Variants in OCRL observed in about 807,000 individuals in gnomAD.
OCRL encodes the protein OCRL inositol polyphosphate-5-phosphatase.
OCRL carries 8 observed loss-of-function variants against 78.9 expected under a neutral mutation model. That is an observed-to-expected ratio of 0.10 (90% confidence interval 0.06 to 0.18). The LOEUF (loss-of-function observed/expected upper bound fraction) is 0.18. Among genes scored for constraint, OCRL ranks in the 10% least tolerant of loss-of-function variants. OCRL has a pLI of 1.00. For missense variants in OCRL, 454 were observed against 696.7 expected (o/e 0.65, Z 3.92); for synonymous variants, 240 against 235.4 (o/e 1.02, Z -0.18).
chrX:129,554,659 A>G lies in OCRL; in HGVS notation c.239-2666A>G, dbSNP rs1171180597. ...GTGTGAGAGAATATAAACAGACTCC[A>G]TTAAGAGGGTTAGGCCAGGCCCGGT... On this transcript the variant is annotated intron_variant, in intron 4 of 23. Coordinates refer to ENST00000371113, the MANE Select transcript of OCRL (RefSeq NM_000276.4). Among the ~76,000 whole-genome samples the G allele has an allele frequency of 2.7e-5, 3 of 112,095 alleles. No homozygotes were observed. The East Asian group carries it at 8.3e-4, about 31-fold the overall frequency.
chrX:129,554,164 A>C (rs184041904), intron 4 of OCRL, among the ~76,000 whole-genome samples: 2 of 109,565 alleles, frequency 1.8e-5, no homozygotes, highest in African/African-American at 6.7e-5. Context: ...AAAAAAAAAA[A>C]CAGTTACAAT....
chrX:129,555,888 G>T (rs1225529981), intron 4 of OCRL, among the ~76,000 whole-genome samples: 1 of 111,805 alleles, frequency 8.9e-6, no homozygotes. Flanking sequence ...ATCTGAGAAA[G>T]AAAGGACTTG....
chrX:129,540,974 G>A, intron 2 of OCRL, 151 bp downstream of exon 2: 1 of 514,788 alleles, frequency 1.9e-6, no homozygotes, highest in Admixed American at 2.7e-5. Flanking sequence ...TCTAACCTCG[G>A]GGCTTTGTCC....
chrX:129,568,071 G>C (rs1602792287), intron 14 of OCRL, among the ~76,000 whole-genome samples: 1 of 109,844 alleles, frequency 9.1e-6, no homozygotes, highest in African/African-American at 3.3e-5. Context: ...CCGCCACCAC[G>C]CCCGGCTAAT....
intron 22 of OCRL, 51 bp from the exon 23 acceptor site, chrX:129,589,794 T>C (rs1936563520): frequency 1.1e-6 from 1 of 893,458 alleles, no homozygotes; most frequent in African/African-American, 2.0e-5. Context: ...TTCCTCTTAC[T>C]TTCATCTTCC....
rs780259298 is a variant in OCRL, at chrX:129,550,224, C to T, written c.238+1623C>T. Among the ~76,000 whole-genome samples the T allele has an allele frequency of 2.7e-5, 3 of 112,273 alleles. No individual in the cohort carries two copies. The South Asian group carries it at 1.1e-3, about 41-fold the overall frequency. On this transcript the variant is annotated intron_variant, in intron 4 of 23. Transcript: ENST00000371113. ...TAAAGTATCAAATTAAGATTATTTTCCTGCAATCTAGAGATCACCACTGTG... is the reference window on the plus strand; with the variant it reads ...TAAAGTATCAAATTAAGATTATTTTTCTGCAATCTAGAGATCACCACTGTG...
At chrX:129,554,996 TAAATAAAA>T (rs1258386870) in intron 4 of OCRL, among the ~76,000 whole-genome samples, 2 of 91,067 alleles carry the variant, frequency 2.2e-5, no homozygotes, top group South Asian at 5.4e-4. Flanking sequence ...AATAAATAAA[TAAATAAAA>T]ATAAGAGGGT....
At chrX:129,554,496 G>A (rs746719981) in intron 4 of OCRL, 3 of 111,868 alleles carry the variant, frequency 2.7e-5, no homozygotes, top group Non-Finnish European at 5.6e-5. Flanking sequence ...GCATGATCTT[G>A]TAGAGGAAAG....
In OCRL at chrX:129,592,138, A is replaced by C. The variant is rs1294168427; in HGVS notation, c.*1868A>C. 12 of 113,682 alleles carry C rather than the reference A, an allele frequency of 1.1e-4. No homozygotes were observed. The highest frequency in any genetic ancestry group is 1.9e-5 in the Non-Finnish European group (1 of 53,295). 9.4% of individuals were successfully genotyped at this position (113,682 alleles called of 1,213,427 possible). A position where few individuals can be genotyped will look rare whatever the true frequency, so the allele number is the denominator to read the frequency against. On this transcript the variant is annotated 3_prime_UTR_variant, in exon 24 of 24. Transcript: ENST00000371113. ...TACTGCCTCGACCTTTTTTCAGCTC[A>C]TCCTGGAACATATACAGAGTTGAGA...
intron 3 of OCRL, 77 bp from the exon 4 acceptor site, chrX:129,548,486 G>A (rs1025936205): frequency 2.3e-5 from 17 of 744,347 alleles, no homozygotes; most frequent in Non-Finnish European, 3.4e-5. Context: ...CAGTTATTTA[G>A]TTAGGCATGT....
Position 129,569,415 on chromosome X carries a change from T to C in OCRL, c.1602+16T>C, listed in dbSNP as rs1936268071. ...CCATATTGGGGTAAACACTTGTTTG[T>C]ACATTCATTTATTTGTGTGTTAAGT... On this transcript the variant is annotated intron_variant, in intron 15 of 23. Transcript: ENST00000371113. The C allele has an allele frequency of 8.3e-7, 1 of 1,199,441 alleles. No individual in the cohort carries two copies. Among genetic ancestry groups the C allele is most frequent in the African/African-American group, 1.8e-5 (1 of 56,938 alleles).
At chrX:129,547,848 A>G (rs746192757) in intron 3 of OCRL, among the ~76,000 whole-genome samples, 4 of 111,882 alleles carry the variant, frequency 3.6e-5, no homozygotes, top group East Asian at 2.8e-4. Flanking sequence ...CCAGAGTTCA[A>G]TTAGCCAGGA....
intron 4 of OCRL, among the ~76,000 whole-genome samples, chrX:129,551,681 G>A (rs772880037): frequency 1.2e-4 from 14 of 112,497 alleles, no homozygotes; most frequent in East Asian, 2.8e-4. Context: ...TGATCTGCCC[G>A]CCTTGGCCTC....
intron 4 of OCRL, among the ~76,000 whole-genome samples, chrX:129,550,570 G>A (rs759982915): frequency 9.0e-6 from 1 of 110,633 alleles, no homozygotes; most frequent in African/African-American, 3.3e-5. Flanking sequence ...TAAGTATTTC[G>A]TGGTGGATTT....
At chrX:129,573,511 A>C (rs867828240) in intron 15 of OCRL, among the ~76,000 whole-genome samples, 34 of 111,820 alleles carry the variant, frequency 3.0e-4, no homozygotes, top group African/African-American at 1.1e-3. Flanking sequence ...TTAGTTTGCT[A>C]AGGATGATGG....
At position 129,558,634 on chromosome X, in the gene OCRL, G is replaced by A. The variant is rs199624352; in HGVS notation, c.441G>A (p.Gly147=). 1.6e-5 allele frequency: 19 copies of A among 1,209,925 alleles called. No individual in the cohort carries two copies. The highest frequency in any genetic ancestry group is 4.7e-4 in the Middle Eastern group (2 of 4,275). Residue 147 remains glycine, a splice_region_variant and synonymous_variant, in exon 7 of 24, where the codon GGG becomes GGA. Coordinates refer to ENST00000371113, the MANE Select transcript of OCRL (RefSeq NM_000276.4). The part of the protein sequence containing the change: ...DTKDKPSVFS[G]LLGFEDNFSS... ...GACTTTGGGGTCTGTGTCTTTCAGGGCTTCTTGGATTTGAAGACAATTTTT... is the reference window on the plus strand; with the variant it reads ...GACTTTGGGGTCTGTGTCTTTCAGGACTTCTTGGATTTGAAGACAATTTTT...
At chrX:129,568,128 G>C (rs1936246520) in intron 14 of OCRL, among the ~76,000 whole-genome samples, 1 of 109,405 alleles carries the variant, frequency 9.1e-6, no homozygotes, top group South Asian at 4.0e-4. Context: ...TTGTTAGCCA[G>C]GATGGTCTCG....
intron 17 of OCRL, 96 bp from the exon 18 acceptor site, chrX:129,576,221 T>C (rs1159200787): frequency 1.0e-6 from 1 of 959,603 alleles, no homozygotes; most frequent in South Asian, 2.0e-5. Context: ...TGCTTAATGA[T>C]TTTTTTAGAG....
intron 2 of OCRL, among the ~76,000 whole-genome samples, chrX:129,544,248 G>C (rs1391582644): frequency 1.8e-5 from 2 of 111,537 alleles, no homozygotes; most frequent in Non-Finnish European, 3.8e-5. Flanking sequence ...TATTTCAGGA[G>C]TACGTATGGA....
Sources: gnomAD v4.1 joint callset for allele counts (sites outside exome capture counted in the v4.1 genomes callset) on GRCh38, gnomAD v4.1.1 for gene constraint, MANE v1.5 for transcripts, NCBI Gene and HGNC (gene_info 2026-07-23, HGNC 2026-07-21) for gene names.